The following MYO9A variants were observed in gnomAD, a reference collection of about 807,000 sequenced individuals.
The protein encoded by MYO9A is myosin IXA.
Under a neutral mutation model 293.3 loss-of-function variants are expected in MYO9A, and 103 were observed. The observed-to-expected ratio is 0.35, with a 90% CI of 0.30 to 0.41. The LOEUF (loss-of-function observed/expected upper bound fraction) is 0.41. Among genes scored for constraint, MYO9A ranks in the 10% least tolerant of loss-of-function variants. The pLI is 1.00. For missense variants in MYO9A, 2,685 were observed against 3,033.0 expected, an observed-to-expected ratio of 0.89 and a Z score of 2.69; for synonymous variants, 1,001 against 1,035.7, an observed-to-expected ratio of 0.97 and a Z score of 0.64.
At chr15:71,886,397 T>C (rs1312761441) in intron 27 of MYO9A, among the ~76,000 whole-genome samples, 1 of 151,986 alleles carries the variant, frequency 6.6e-6, no homozygotes, top group Non-Finnish European at 1.5e-5. Flanking sequence ...TTAGAACCAT[T>C]TGCTTAGAGG....
At chr15:72,090,194 G>A (rs913402516) in intron 1 of MYO9A, among the ~76,000 whole-genome samples, 1 of 152,140 alleles carries the variant, frequency 6.6e-6, no homozygotes, top group Non-Finnish European at 1.5e-5. Context: ...GTTTTCCAAT[G>A]AACTGGAATT....
intron 10 of MYO9A, among the ~76,000 whole-genome samples, chr15:71,993,092 T>C (rs1253720068): frequency 6.6e-6 from 1 of 152,218 alleles, no homozygotes; most frequent in Non-Finnish European, 1.5e-5. Flanking sequence ...GGCTCACGCC[T>C]GTAATCCCAG....
chr15:72,015,683 G>GTTT (rs10708457), intron 6 of MYO9A, among the ~76,000 whole-genome samples: 49 of 113,474 alleles, frequency 4.3e-4, no homozygotes, highest in Middle Eastern at 5.0e-3. Context: ...CTCAGATCAG[G>GTTT]TTTTTTTTTT....
At chr15:71,879,374 G>C (rs2056803053) in intron 30 of MYO9A, among the ~76,000 whole-genome samples, 1 of 152,028 alleles carries the variant, frequency 6.6e-6, no homozygotes, top group Non-Finnish European at 1.5e-5. Context: ...AGGAAAATTA[G>C]ACATTATAGC....
At chr15:72,077,623 C>T (rs1215670643) in intron 1 of MYO9A, among the ~76,000 whole-genome samples, 5 of 150,158 alleles carry the variant, frequency 3.3e-5, no homozygotes, top group Non-Finnish European at 5.9e-5. Flanking sequence ...ACCGGGGTGA[C>T]GGCAGGGTGG....
intron 19 of MYO9A, among the ~76,000 whole-genome samples, chr15:71,905,471 G>T (rs959656751): frequency 4.0e-5 from 6 of 151,746 alleles, no homozygotes; most frequent in African/African-American, 1.5e-4. Flanking sequence ...CTGATTAGTG[G>T]CTAGAAATTT....
At chr15:71,892,940 T>C in intron 26 of MYO9A, 1 of 1,214,716 alleles carries the variant, frequency 8.2e-7, no homozygotes, top group African/African-American at 1.6e-5. Context: ...TGCTTGCTAT[T>C]TTTCTTATAT....
At chr15:72,017,473 G>A (rs568202386) in intron 6 of MYO9A, among the ~76,000 whole-genome samples, 10 of 152,194 alleles carry the variant, frequency 6.6e-5, no homozygotes, top group Admixed American at 3.9e-4. Flanking sequence ...GGTGTAGTAC[G>A]TGAAAAAGGA....
rs778441953 is a variant in MYO9A, at chr15:71,897,980, T to C, written c.4523A>G (p.Asn1508Ser). The change falls in exon 25 of 42, where the codon AAT becomes AGT. Residue 1508 changes from asparagine (N) to serine (S), a missense_variant. Physicochemically the swap from Asn to Ser is conservative, Grantham distance 46. Coordinates refer to ENST00000356056, the MANE Select transcript of MYO9A (RefSeq NM_006901.4). Reference sequence around the variant, plus strand: ...AATCTGTTCCATCATCTCTTTTTCATTCTGTTGCTGCAACTGTTTTTGCCT... The same window carrying C: ...AATCTGTTCCATCATCTCTTTTTCACTCTGTTGCTGCAACTGTTTTTGCCT... ...EERQKQLQQQ[N>S]EKEMMEQIRQ... The C allele has an allele frequency of 3.0e-5, 48 of 1,614,066 alleles. No homozygotes were observed. The East Asian group carries it at 1.0e-3, about 35-fold the overall frequency.
At chr15:71,949,394 G>C (rs889527464) in intron 15 of MYO9A, among the ~76,000 whole-genome samples, 4 of 151,672 alleles carry the variant, frequency 2.6e-5, no homozygotes, top group African/African-American at 9.7e-5. Context: ...AGTAGAGACA[G>C]GGTTTCACTA....
chr15:71,894,514 T>C (rs1213847700), intron 25 of MYO9A, among the ~76,000 whole-genome samples: 5 of 152,078 alleles, frequency 3.3e-5, no homozygotes, highest in African/African-American at 1.2e-4. Flanking sequence ...GAGGCAGAGG[T>C]TGCAGTGAGC....
At chr15:71,841,776 T>C (rs1028057986) in intron 39 of MYO9A, among the ~76,000 whole-genome samples, 1 of 151,528 alleles carries the variant, frequency 6.6e-6, no homozygotes, top group Non-Finnish European at 1.5e-5. Context: ...GCTGGGACTA[T>C]AGGTGCTCGC....
intron 1 of MYO9A, among the ~76,000 whole-genome samples, chr15:72,054,985 T>C (rs1014278314): frequency 9.3e-5 from 14 of 150,776 alleles, no homozygotes; most frequent in African/African-American, 3.2e-4. Flanking sequence ...GTGACGAGAC[T>C]GTATATCAGC....
At chr15:71,903,707 G>A (rs1002552619) in intron 21 of MYO9A, among the ~76,000 whole-genome samples, 2 of 152,198 alleles carry the variant, frequency 1.3e-5, no homozygotes, top group Non-Finnish European at 2.9e-5. Context: ...GAGCAAATGA[G>A]AATAGCCAAG....
chr15:71,953,026 C>G (rs2059089291), intron 14 of MYO9A, among the ~76,000 whole-genome samples: 2 of 152,044 alleles, frequency 1.3e-5, no homozygotes, highest in African/African-American at 4.8e-5. Flanking sequence ...TAATATTATA[C>G]ACAGAAAACA....
intron 39 of MYO9A, among the ~76,000 whole-genome samples, chr15:71,837,076 A>G (rs1048926540): frequency 5.0e-4 from 76 of 152,244 alleles, no homozygotes; most frequent in African/African-American, 1.8e-3. Flanking sequence ...ATTTATGGAA[A>G]TATACGAATA....
chr15:71,997,548 G>A (rs569657816), intron 9 of MYO9A, among the ~76,000 whole-genome samples: 8 of 151,674 alleles, frequency 5.3e-5, no homozygotes, highest in South Asian at 2.1e-4. Flanking sequence ...TGCAGTGAGC[G>A]AGATCACACC....
At chr15:71,868,342 T>C (rs2056404708) in intron 32 of MYO9A, among the ~76,000 whole-genome samples, 1 of 152,230 alleles carries the variant, frequency 6.6e-6, no homozygotes, top group Non-Finnish European at 1.5e-5. Context: ...TTCTCATGCT[T>C]GTATTTCTCT....
At chr15:71,991,340 T>C (rs1200165752) in intron 10 of MYO9A, 103 bp from the exon 11 acceptor site, 2 of 860,694 alleles carry the variant, frequency 2.3e-6, no homozygotes, top group East Asian at 2.8e-5. Flanking sequence ...TCTAAAGCAG[T>C]GTACAGGGGA....
Sources: gnomAD v4.1 joint callset for allele counts (sites outside exome capture counted in the v4.1 genomes callset) on GRCh38, gnomAD v4.1.1 for gene constraint, MANE v1.5 for transcripts, NCBI Gene and HGNC (gene_info 2026-07-23, HGNC 2026-07-21) for gene names.